DENND1A: variants seen among roughly 807,000 people sequenced by gnomAD.
The protein encoded by DENND1A is DENN domain-containing protein 1A.
DENND1A carries 51 observed loss-of-function variants against 113.7 expected under a neutral mutation model. The observed-to-expected ratio is 0.45, with a 90% CI of 0.36 to 0.57. The LOEUF (loss-of-function observed/expected upper bound fraction) is 0.57, where lower values mean the gene tolerates loss of function less well. DENND1A is among the 20% of genes least tolerant of loss of function. DENND1A has a pLI of 0.00. For missense variants in DENND1A, 1,258 were observed against 1,395.9 expected (o/e 0.90, Z 1.57); for synonymous variants, 565 against 570.8 (o/e 0.99, Z 0.14).
At chr9:123,735,841 A>G (rs538753072) in intron 5 of DENND1A, among the ~76,000 whole-genome samples, 1 of 152,218 alleles carries the variant, frequency 6.6e-6, no homozygotes, top group African/African-American at 2.4e-5. Flanking sequence ...TCTTCCAAAA[A>G]TACAAAAATT....
chr9:123,911,873 T>C (rs560636471), intron 1 of DENND1A, among the ~76,000 whole-genome samples: 1 of 152,080 alleles, frequency 6.6e-6, no homozygotes, highest in South Asian at 2.1e-4. Flanking sequence ...TTTTGTATTT[T>C]TAGTAGAGAA....
intron 13 of DENND1A, among the ~76,000 whole-genome samples, chr9:123,517,905 A>AT (rs2054075307): frequency 6.6e-6 from 1 of 152,210 alleles, no homozygotes; most frequent in South Asian, 2.1e-4. Context: ...GGTGGTGGAA[A>AT]TGTGAGTGAC....
chr9:123,656,052 G>T (rs1589539517), intron 8 of DENND1A, among the ~76,000 whole-genome samples: 1 of 152,222 alleles, frequency 6.6e-6, no homozygotes, highest in African/African-American at 2.4e-5. Flanking sequence ...TACACTCCAG[G>T]CATGGCTGAG....
intron 5 of DENND1A, among the ~76,000 whole-genome samples, chr9:123,692,654 C>T (rs1440273261): frequency 1.3e-5 from 2 of 152,142 alleles, no homozygotes; most frequent in Non-Finnish European, 2.9e-5. Context: ...ATTTAGCATG[C>T]TATAGTGATA....
chr9:123,902,661 C>T (rs533358626), intron 1 of DENND1A, among the ~76,000 whole-genome samples: 4 of 151,608 alleles, frequency 2.6e-5, no homozygotes, highest in South Asian at 2.1e-4. Context: ...TCTTGGAAGA[C>T]GAATATATTT....
chr9:123,443,476 G>GT (rs1471095893), intron 18 of DENND1A, among the ~76,000 whole-genome samples: 4 of 152,220 alleles, frequency 2.6e-5, no homozygotes, highest in Non-Finnish European at 5.9e-5. Context: ...ATGTACCTGC[G>GT]TGTCAAAAAG....
Position 123,821,379 on chromosome 9 carries a change from T to A in DENND1A, c.89-28749A>T, listed in dbSNP as rs1315959419. Among the ~76,000 whole-genome samples, 8 of 152,224 alleles carry A rather than the reference T, an allele frequency of 5.3e-5. No individual in the cohort carries two copies. In the South Asian group the frequency reaches 1.5e-3, roughly 28 times the overall value. ...ATGTCATTTTCAAAATGAAAAAAAA[T>A]TATGTGAAGAATAAACAAGAAACCA... is the stretch of plus-strand genomic sequence containing the variant. On this transcript the variant is annotated intron_variant, in intron 2 of 23. Coordinates refer to ENST00000394215, the MANE Select transcript of DENND1A (RefSeq NM_001352964.2).
intron 5 of DENND1A, among the ~76,000 whole-genome samples, chr9:123,745,883 TAACC>T (rs1273812723): frequency 1.1e-4 from 16 of 152,202 alleles, no homozygotes; most frequent in Admixed American, 1.0e-3. Context: ...AGACAGACTA[TAACC>T]ATAAGCAACA....
chr9:123,420,375 G>C (rs1465519434), intron 19 of DENND1A, among the ~76,000 whole-genome samples: 1 of 152,216 alleles, frequency 6.6e-6, no homozygotes, highest in African/African-American at 2.4e-5. Context: ...CCACAGTGAG[G>C]TTTCTGGGTG....
chr9:123,747,824 G>T (rs117209659), intron 5 of DENND1A, among the ~76,000 whole-genome samples: 7 of 151,922 alleles, frequency 4.6e-5, no homozygotes, highest in African/African-American at 1.5e-4. Context: ...AATAAAATAC[G>T]GAAACGTAAA....
chr9:123,838,718 T>C (rs971884549), intron 2 of DENND1A, among the ~76,000 whole-genome samples: 7 of 152,332 alleles, frequency 4.6e-5, no homozygotes, highest in Middle Eastern at 3.4e-3. Context: ...ACATTCAGTT[T>C]CCTTGTACAG....
intron 3 of DENND1A, among the ~76,000 whole-genome samples, chr9:123,771,883 G>A (rs535472725): frequency 2.0e-5 from 3 of 152,010 alleles, no homozygotes; most frequent in African/African-American, 4.8e-5. Flanking sequence ...AGGGGAGGGG[G>A]AAAGGGAATA....
chr9:123,644,683 G>A (rs985988504), intron 9 of DENND1A, among the ~76,000 whole-genome samples: 1 of 152,192 alleles, frequency 6.6e-6, no homozygotes. Context: ...TAGTTTGTGT[G>A]TAATCCCTTG....
intron 1 of DENND1A, among the ~76,000 whole-genome samples, chr9:123,922,628 C>T (rs1406156162): frequency 6.6e-6 from 1 of 152,202 alleles, no homozygotes; most frequent in Non-Finnish European, 1.5e-5. Context: ...ATCCCACTGG[C>T]ACATGCCTAC....
intron 1 of DENND1A, among the ~76,000 whole-genome samples, chr9:123,896,499 A>T (rs1287284564): frequency 1.3e-5 from 2 of 152,178 alleles, no homozygotes; most frequent in Non-Finnish European, 1.5e-5. Context: ...TCACTGGCAA[A>T]AATCAGAAAA....
At chr9:123,390,689 C>A (rs905350276) in intron 21 of DENND1A, among the ~76,000 whole-genome samples, 15 of 152,222 alleles carry the variant, frequency 9.9e-5, no homozygotes, top group African/African-American at 3.6e-4. Flanking sequence ...GAAGAGGTGA[C>A]CACGTGGCCA....
intron 2 of DENND1A, among the ~76,000 whole-genome samples, chr9:123,825,139 T>C (rs1839108488): frequency 2.0e-5 from 3 of 151,986 alleles, no homozygotes; most frequent in Admixed American, 6.5e-5. Flanking sequence ...CAATTAAAGT[T>C]TGGTACCATG....
At chr9:123,795,795 A>G (rs1833677326) in intron 2 of DENND1A, among the ~76,000 whole-genome samples, 1 of 152,212 alleles carries the variant, frequency 6.6e-6, no homozygotes, top group Admixed American at 6.5e-5. Flanking sequence ...TCATCATCAA[A>G]TGCAGTGTTA....
chr9:123,801,127 G>C lies in DENND1A; in HGVS notation c.89-8497C>G, dbSNP rs377723868. 2.6e-5 allele frequency among the ~76,000 whole-genome samples: 4 copies of C among 152,320 alleles called. No individual in the cohort carries two copies. The East Asian group carries it at 7.7e-4, about 29-fold the overall frequency. On this transcript the variant is annotated intron_variant, in intron 2 of 23. Transcript: ENST00000394215. ...TTATCTGTACCATTAGAGAAGCAGT[G>C]CCTATGTCCTTTGAGACTTTTGTTG...
Sources: gnomAD v4.1 joint callset for allele counts (sites outside exome capture counted in the v4.1 genomes callset) on GRCh38, gnomAD v4.1.1 for gene constraint, MANE v1.5 for transcripts, NCBI Gene and HGNC (gene_info 2026-07-23, HGNC 2026-07-21) for gene names.